Variants in ADCY2 observed in about 807,000 individuals in gnomAD.
ADCY2 encodes adenylate cyclase 2.
In ADCY2, 31 loss-of-function variants were observed where a neutral mutation model predicts 125.2. The ratio of observed to expected loss-of-function variants is 0.25; its 90% confidence interval spans 0.19 to 0.33. The LOEUF (loss-of-function observed/expected upper bound fraction) is 0.33. Ranked by LOEUF, ADCY2 falls within the 10% of genes least tolerant of loss-of-function variation. The pLI is 1.00. For missense variants in ADCY2, 904 were observed against 1,418.2 expected (o/e 0.64, Z 5.82); for synonymous variants, 512 against 548.4 (o/e 0.93, Z 0.93).
chr5:7,637,820 A>G (rs1298963953), intron 4 of ADCY2, among the ~76,000 whole-genome samples: 1 of 152,238 alleles, frequency 6.6e-6, no homozygotes, highest in African/African-American at 2.4e-5. Context: ...AGTGCATGTC[A>G]TGTTATAACC....
rs575547757 is a variant in ADCY2, at chr5:7,746,842, A to C, written c.1956+3090A>C. 1.1e-3 allele frequency among the ~76,000 whole-genome samples: 165 copies of C among 152,348 alleles called. 1 individual carries two copies. The highest frequency in any genetic ancestry group is 3.9e-3 in the African/African-American group (162 of 41,592). ...AAGCTGAAGAGAGGTCAGCCTGGCTAATGTTTTCTTCCAAGAGCTTTGCCT... is the reference window on the plus strand; with the variant it reads ...AAGCTGAAGAGAGGTCAGCCTGGCTCATGTTTTCTTCCAAGAGCTTTGCCT... On this transcript the variant is annotated intron_variant, in intron 15 of 24. Transcript: ENST00000338316.
At chr5:7,560,185 G>A (rs1735664270) in intron 3 of ADCY2, among the ~76,000 whole-genome samples, 1 of 152,162 alleles carries the variant, frequency 6.6e-6, no homozygotes, top group Non-Finnish European at 1.5e-5. Context: ...GTAAAATTAA[G>A]ACATAGATAA....
intron 3 of ADCY2, among the ~76,000 whole-genome samples, chr5:7,559,311 G>A (rs966618584): frequency 2.6e-5 from 4 of 152,088 alleles, no homozygotes; most frequent in Admixed American, 2.0e-4. Context: ...CCAGAAGCAT[G>A]GAATGTTTTT....
rs748815042 is a variant in ADCY2, at chr5:7,405,303, C to CTT, written c.210+8813_210+8814dup. On this transcript the variant is annotated intron_variant, in intron 1 of 24. Coordinates refer to ENST00000338316, the MANE Select transcript of ADCY2 (RefSeq NM_020546.3). ...AAAAACTTAACAGATTTGAACTACTCTTTTTTTTTTTTTTTTTAGCTCATA... is the reference window on the plus strand; with the variant it reads ...AAAAACTTAACAGATTTGAACTACTCTTTTTTTTTTTTTTTTTTTAGCTCATA... Among the ~76,000 whole-genome samples, 1,313 of 136,596 alleles carry CTT rather than the reference C, an allele frequency of 9.6e-3. 6 individuals carry two copies. Among genetic ancestry groups the CTT allele is most frequent in the Non-Finnish European group, 0.014 (852 of 62,394 alleles). 89.6% of individuals were successfully genotyped at this position (136,596 alleles called of 152,430 possible).
chr5:7,713,359 T>C (rs1741498450), intron 11 of ADCY2, among the ~76,000 whole-genome samples: 1 of 151,892 alleles, frequency 6.6e-6, no homozygotes, highest in Admixed American at 6.6e-5. Context: ...CTGGGTGTTG[T>C]GGCATATGCC....
At chr5:7,754,792 G>C (rs1742935650) in intron 15 of ADCY2, among the ~76,000 whole-genome samples, 1 of 152,006 alleles carries the variant, frequency 6.6e-6, no homozygotes, top group Non-Finnish European at 1.5e-5. Context: ...AGGAGGCGGA[G>C]GTTGCAGTGA....
At chr5:7,583,378 T>A (rs978888517) in intron 3 of ADCY2, among the ~76,000 whole-genome samples, 17 of 152,074 alleles carry the variant, frequency 1.1e-4, no homozygotes, top group Admixed American at 6.6e-5. Flanking sequence ...CTTAGGGTAA[T>A]CACAGTGATC....
chr5:7,796,537 T>A (rs551323517), intron 20 of ADCY2: 140 of 152,318 alleles, frequency 9.2e-4, no homozygotes, highest in African/African-American at 3.2e-3. Context: ...TCTGAAAAGG[T>A]TTTATTTCAA....
chr5:7,664,432 C>G (rs75562033), intron 4 of ADCY2, among the ~76,000 whole-genome samples: 5,635 of 152,236 alleles, frequency 0.037, 331 homozygotes, highest in African/African-American at 0.13. Flanking sequence ...AGGAGACACT[C>G]CCTGCTGGGG....
At chr5:7,581,397 TATTA>T (rs1305028247) in intron 3 of ADCY2, among the ~76,000 whole-genome samples, 3 of 152,160 alleles carry the variant, frequency 2.0e-5, no homozygotes, top group African/African-American at 4.8e-5. Context: ...AGGTGTACAA[TATTA>T]ATTCTAAATC....
intron 2 of ADCY2, among the ~76,000 whole-genome samples, chr5:7,472,113 T>C (rs1742361580): frequency 6.6e-6 from 1 of 152,182 alleles, no homozygotes; most frequent in African/African-American, 2.4e-5. Flanking sequence ...GTAGAAGAAT[T>C]CTCAGCTATT....
chr5:7,591,708 T>A (rs1736853531), intron 3 of ADCY2, among the ~76,000 whole-genome samples: 1 of 152,164 alleles, frequency 6.6e-6, no homozygotes, highest in Non-Finnish European at 1.5e-5. Flanking sequence ...AGCCAGATGT[T>A]CCAGCTCTGG....
At chr5:7,481,772 TTGTG>T (rs35724998) in intron 2 of ADCY2, among the ~76,000 whole-genome samples, 20 of 149,714 alleles carry the variant, frequency 1.3e-4, no homozygotes, top group South Asian at 6.3e-4. Context: ...CCATGCTGAT[TTGTG>T]TGTGTGTGTG....
chr5:7,756,112 C>CT (rs1287585425), intron 15 of ADCY2, among the ~76,000 whole-genome samples: 1 of 152,236 alleles, frequency 6.6e-6, no homozygotes, highest in East Asian at 1.9e-4. Context: ...CCCTGGAGGA[C>CT]TTTTACTTCC....
chr5:7,398,667 T>G (rs924208468), intron 1 of ADCY2, among the ~76,000 whole-genome samples: 22 of 152,184 alleles, frequency 1.4e-4, no homozygotes, highest in African/African-American at 5.3e-4. Context: ...TTCAAAGAGA[T>G]AAGCTGTGCA....
chr5:7,596,559 G>A lies in ADCY2; in HGVS notation c.571-29608G>A, dbSNP rs192093650. Reference sequence around the variant, plus strand: ...AAGTGAGTGGGTGGCTGAGCTGGGAGCTCTGGAGTCAGGCTGTGCAGTTCC... The same window carrying A: ...AAGTGAGTGGGTGGCTGAGCTGGGAACTCTGGAGTCAGGCTGTGCAGTTCC... On this transcript the variant is annotated intron_variant, in intron 3 of 24. Coordinates refer to ENST00000338316, the MANE Select transcript of ADCY2 (RefSeq NM_020546.3). 9.2e-5 allele frequency among the ~76,000 whole-genome samples: 14 copies of A among 152,328 alleles called. No homozygotes were observed. In the East Asian group the frequency reaches 2.3e-3, roughly 25 times the overall value.
At chr5:7,646,942 G>C (rs1310485414) in intron 4 of ADCY2, among the ~76,000 whole-genome samples, 1 of 152,156 alleles carries the variant, frequency 6.6e-6, no homozygotes, top group African/African-American at 2.4e-5. Context: ...GGAACACTTG[G>C]TCTTGGGATT....
intron 3 of ADCY2, among the ~76,000 whole-genome samples, chr5:7,591,052 G>T (rs1302100754): frequency 6.6e-6 from 1 of 152,128 alleles, no homozygotes; most frequent in Admixed American, 6.5e-5. Flanking sequence ...ATTTTGGAAT[G>T]ATTTTGTTTT....
intron 4 of ADCY2, among the ~76,000 whole-genome samples, chr5:7,665,087 C>T (rs1579292956): frequency 6.6e-6 from 1 of 152,098 alleles, no homozygotes; most frequent in Non-Finnish European, 1.5e-5. Flanking sequence ...TATATAAACC[C>T]AAGCTGTGCC....
Sources: allele counts gnomAD v4.1 joint callset (sites outside exome capture counted in the v4.1 genomes callset), GRCh38; gene constraint gnomAD v4.1.1; transcripts MANE v1.5; gene names NCBI Gene and HGNC (gene_info 2026-07-23, HGNC 2026-07-21).